The following SULF1 variants were observed in gnomAD, a reference collection of about 807,000 sequenced individuals.
SULF1 encodes the protein extracellular sulfatase Sulf-1.
SULF1 carries 46 observed loss-of-function variants against 110.5 expected under a neutral mutation model. The ratio of observed to expected loss-of-function variants is 0.42; its 90% CI spans 0.33 to 0.53. SULF1 has a LOEUF of 0.53. SULF1 is among the 20% of genes least tolerant of loss of function. The pLI, the probability that SULF1 is intolerant of heterozygous loss-of-function variation, is 0.12. For missense variants in SULF1, 941 were observed against 1,094.2 expected, an observed-to-expected ratio of 0.86 and a Z score of 1.98; for synonymous variants, 371 against 387.1, an observed-to-expected ratio of 0.96 and a Z score of 0.49.
chr8:69,498,930 C>T (rs375463227), intron 2 of SULF1, among the ~76,000 whole-genome samples: 1 of 152,206 alleles, frequency 6.6e-6, no homozygotes. Flanking sequence ...ACAATCTTGG[C>T]TCACTGCAGC....
intron 2 of SULF1, among the ~76,000 whole-genome samples, chr8:69,499,403 C>T (rs1382169193): frequency 6.6e-6 from 1 of 152,070 alleles, no homozygotes; most frequent in Non-Finnish European, 1.5e-5. Flanking sequence ...TTTGTTTTAA[C>T]TAAGTATTCA....
intron 3 of SULF1, among the ~76,000 whole-genome samples, chr8:69,555,924 A>T (rs1275272873): frequency 6.6e-6 from 1 of 152,192 alleles, no homozygotes; most frequent in Non-Finnish European, 1.5e-5. Context: ...AACTTTAAAA[A>T]TTTTTGCATT....
At chr8:69,475,982 G>A (rs1809285770) in intron 1 of SULF1, among the ~76,000 whole-genome samples, 1 of 152,068 alleles carries the variant, frequency 6.6e-6, no homozygotes, top group Admixed American at 6.5e-5. Flanking sequence ...ACGGATATTC[G>A]AGTCAAAATA....
At chr8:69,634,010 GAT>G in intron 19 of SULF1, among the ~76,000 whole-genome samples, 1 of 152,112 alleles carries the variant, frequency 6.6e-6, no homozygotes, top group South Asian at 2.1e-4. Context: ...GTAGATGTGA[GAT>G]AAATGTTCAC....
chr8:69,512,674 T>A (rs1811650859), intron 3 of SULF1, among the ~76,000 whole-genome samples: 1 of 152,132 alleles, frequency 6.6e-6, no homozygotes, highest in Non-Finnish European at 1.5e-5. Flanking sequence ...CATTCATTTT[T>A]CTCCTCACCT....
chr8:69,653,944 A>G (rs1184630952), intron 22 of SULF1, among the ~76,000 whole-genome samples: 1 of 152,232 alleles, frequency 6.6e-6, no homozygotes, highest in African/African-American at 2.4e-5. Context: ...ATATTGGCAC[A>G]TTCCTAGAAT....
chr8:69,468,776 A>G (rs184472895), intron 1 of SULF1, among the ~76,000 whole-genome samples: 3 of 152,364 alleles, frequency 2.0e-5, no homozygotes, highest in Non-Finnish European at 4.4e-5. Flanking sequence ...TCACTACTGC[A>G]GAAATATTTC....
chr8:69,622,741 CA>C (rs1809712908), intron 14 of SULF1, among the ~76,000 whole-genome samples: 1 of 152,142 alleles, frequency 6.6e-6, no homozygotes, highest in Non-Finnish European at 1.5e-5. Context: ...ATTGATTTTT[CA>C]GTATTAGGCA....
rs552054699 is a variant in SULF1, at chr8:69,563,911, C to T, written c.-60-5C>T. ...CACCGTCTCCGTTTTTCTCTGACTG[C>T]CCAGAACTCCAGAAATCAGGAGACG... On this transcript the variant is annotated splice_region_variant and splice_polypyrimidine_tract_variant and intron_variant, in intron 4 of 22. Coordinates refer to ENST00000402687, the MANE Select transcript of SULF1 (RefSeq NM_001128205.2). The T allele has an allele frequency of 2.3e-5, 35 of 1,552,954 alleles. No individual in the cohort carries two copies. The East Asian group carries it at 3.6e-4, about 16-fold the overall frequency.
chr8:69,549,496 A>G (rs529376796), intron 3 of SULF1, among the ~76,000 whole-genome samples: 1 of 135,816 alleles, frequency 7.4e-6, no homozygotes, highest in African/African-American at 2.7e-5. Context: ...TGTTAACTAG[A>G]TTGTGCCTCC....
chr8:69,514,689 T>A (rs1563485897), intron 3 of SULF1, among the ~76,000 whole-genome samples: 1 of 152,210 alleles, frequency 6.6e-6, no homozygotes, highest in Non-Finnish European at 1.5e-5. Flanking sequence ...CCCTTCTGCC[T>A]ATGATCCTGT....
intron 22 of SULF1, among the ~76,000 whole-genome samples, chr8:69,657,609 C>T (rs890449709): frequency 6.6e-6 from 1 of 152,192 alleles, no homozygotes; most frequent in African/African-American, 2.4e-5. Context: ...GATTTGGTGT[C>T]AACGTTTTTT....
intron 3 of SULF1, among the ~76,000 whole-genome samples, chr8:69,505,371 A>C (rs1811114349): frequency 6.6e-6 from 1 of 152,170 alleles, no homozygotes; most frequent in South Asian, 2.1e-4. Context: ...CTAATATTGC[A>C]CTGTTGGACA....
chr8:69,583,857 G>T (rs1806258909), intron 6 of SULF1, among the ~76,000 whole-genome samples: 1 of 152,188 alleles, frequency 6.6e-6, no homozygotes, highest in Non-Finnish European at 1.5e-5. Context: ...CAGTGTTGTG[G>T]AATTAAGACA....
intron 6 of SULF1, among the ~76,000 whole-genome samples, chr8:69,579,443 G>A (rs1194690351): frequency 1.3e-5 from 2 of 151,560 alleles, no homozygotes; most frequent in Non-Finnish European, 2.9e-5. Flanking sequence ...CAGCTACTCA[G>A]GAGGCTGAGG....
chr8:69,522,122 C>G (rs1195631855), intron 3 of SULF1, among the ~76,000 whole-genome samples: 2 of 151,812 alleles, frequency 1.3e-5, no homozygotes, highest in African/African-American at 2.4e-5. Flanking sequence ...ATGATCTCAG[C>G]TCACTGCAAC....
intron 2 of SULF1, among the ~76,000 whole-genome samples, chr8:69,498,282 G>A (rs745714882): frequency 9.2e-5 from 14 of 152,202 alleles, no homozygotes; most frequent in Non-Finnish European, 1.0e-4. Context: ...TCAAGTTTGT[G>A]TGGCCAGCTT....
intron 21 of SULF1, among the ~76,000 whole-genome samples, chr8:69,639,495 C>T (rs1306714705): frequency 6.6e-6 from 1 of 152,218 alleles, no homozygotes; most frequent in Non-Finnish European, 1.5e-5. Context: ...CAGTTCTTTT[C>T]AGTGTCCGCC....
At position 69,660,106 on chromosome 8, in the gene SULF1, T is replaced by C. The variant is rs941899518; in HGVS notation, c.*1571T>C. On this transcript the variant is annotated 3_prime_UTR_variant, in exon 23 of 23. Transcript: ENST00000402687. Reference sequence around the variant, plus strand: ...CTAGCCTCAAAGCGTTCATCATACATCATACCTTTAAGATTGCTATATTTT... The same window carrying C: ...CTAGCCTCAAAGCGTTCATCATACACCATACCTTTAAGATTGCTATATTTT... 1 of 152,570 alleles carries C rather than the reference T, an allele frequency of 6.6e-6. No individual in the cohort carries two copies. The highest frequency in any genetic ancestry group is 1.5e-5 in the Non-Finnish European group (1 of 68,036). The allele number at this position is 152,570 out of a possible 1,614,324, so 9.5% of individuals were successfully genotyped here.
Sources: gnomAD v4.1 joint callset for allele counts (sites outside exome capture counted in the v4.1 genomes callset) on GRCh38, gnomAD v4.1.1 for gene constraint, MANE v1.5 for transcripts, NCBI Gene and HGNC (gene_info 2026-07-23, HGNC 2026-07-21) for gene names.